The following TPST2 variants were observed in gnomAD, a reference collection of about 807,000 sequenced individuals.
TPST2 encodes the protein tyrosylprotein sulfotransferase 2.
A neutral mutation model predicts 27.8 loss-of-function variants in TPST2; 16 were observed. The ratio of observed to expected loss-of-function variants is 0.58; its 90% CI spans 0.39 to 0.88. The LOEUF is 0.88. TPST2 is among the 40% of genes least tolerant of loss of function. TPST2 has a pLI of 0.00. For missense variants in TPST2, 464 were observed against 543.1 expected (o/e 0.85, Z 1.45); for synonymous variants, 229 against 231.7 (o/e 0.99, Z 0.10).
At position 26,536,278 on chromosome 22, in the gene TPST2, G is replaced by A; in HGVS notation, c.1041+10C>T. Reference sequence around the variant, plus strand: ...AGAGTACACTTCCACAAGTACAGGTGCACACTCACCCGCTGTGTGTTGTTG... The same window carrying A: ...AGAGTACACTTCCACAAGTACAGGTACACACTCACCCGCTGTGTGTTGTTG... On this transcript the variant is annotated intron_variant, in intron 4 of 6. Coordinates refer to ENST00000338754, the MANE Select transcript of TPST2 (RefSeq NM_003595.5). 5 of 1,614,070 alleles carry A rather than the reference G, an allele frequency of 3.1e-6. No individual in the cohort carries two copies. Among genetic ancestry groups the A allele is most frequent in the Non-Finnish European group, 4.2e-6 (5 of 1,179,978 alleles).
intron 1 of TPST2, among the ~76,000 whole-genome samples, chr22:26,577,353 T>C (rs1030228781): frequency 2.0e-5 from 3 of 149,172 alleles, no homozygotes; most frequent in Admixed American, 2.0e-4. Context: ...TATTTGCTCT[T>C]TTTTTTTTTG....
At chr22:26,565,765 A>G (rs1483917069) in intron 1 of TPST2, 2 of 152,160 alleles carry the variant, frequency 1.3e-5, no homozygotes, top group Non-Finnish European at 2.9e-5. Flanking sequence ...TATATAAAAT[A>G]TTATCATCAA....
rs146456313 is a variant in TPST2, at chr22:26,586,961, T to C, written c.-161+3092A>G. On this transcript the variant is annotated intron_variant, in intron 1 of 6. Transcript: ENST00000338754. ...TCTGTGTGTGCAGAATGTTCACAGA[T>C]GAAGCGTCTGTAACTCAGGACTGCT... is the stretch of plus-strand genomic sequence containing the variant. Among the ~76,000 whole-genome samples, 289 of 152,288 alleles carry C rather than the reference T, an allele frequency of 1.9e-3. 3 individuals carry two copies. The highest frequency in any genetic ancestry group is 0.014 in the Middle Eastern group (4 of 294).
chr22:26,588,687 G>A (rs143992366), intron 1 of TPST2, among the ~76,000 whole-genome samples: 1 of 152,238 alleles, frequency 6.6e-6, no homozygotes, highest in African/African-American at 2.4e-5. Context: ...AGTTCCTTTA[G>A]GACAATGAAA....
chr22:26,548,006 T>C (rs1926216943), intron 1 of TPST2, among the ~76,000 whole-genome samples: 1 of 152,218 alleles, frequency 6.6e-6, no homozygotes, highest in South Asian at 2.1e-4. Flanking sequence ...AACATTCTGC[T>C]GCACCAGCTA....
chr22:26,528,240 G>T lies in TPST2; in HGVS notation c.1115C>A (p.Ser372Tyr). ...YFQVNQNSTS[S>Y]HLGSS The stretch of plus-strand genomic sequence containing the variant: ...TGGAAATCACGAGCTTCCTAAGTGG[G>T]AGGAGGTGCTGTTCTGGTTCACCTG... Residue 372 changes from serine (S) to tyrosine (Y), a missense_variant, in exon 6 of 7, where the codon TCC (serine) becomes TAC (tyrosine). Transcript: ENST00000338754. 6.4e-7 allele frequency: 1 copy of T among 1,564,778 alleles called. No homozygotes were observed. The highest frequency in any genetic ancestry group is 2.4e-5 in the East Asian group (1 of 42,528).
At chr22:26,530,218 C>A (rs1242351107) in intron 5 of TPST2, among the ~76,000 whole-genome samples, 1 of 152,188 alleles carries the variant, frequency 6.6e-6, no homozygotes, top group Admixed American at 6.6e-5. Flanking sequence ...GGACTGCAGG[C>A]ATGCCACTGC....
At chr22:26,571,517 GCT>G (rs1420851615) in intron 1 of TPST2, among the ~76,000 whole-genome samples, 4 of 152,150 alleles carry the variant, frequency 2.6e-5, no homozygotes, top group Admixed American at 2.6e-4. Context: ...AGCCTTGAAT[GCT>G]CTGTTTCCGG....
At chr22:26,538,591 G>A (rs1925615387) in intron 3 of TPST2, among the ~76,000 whole-genome samples, 1 of 152,262 alleles carries the variant, frequency 6.6e-6, no homozygotes, top group South Asian at 2.1e-4. Flanking sequence ...GGAGGCTGAG[G>A]CGGGCAGATC....
intron 1 of TPST2, among the ~76,000 whole-genome samples, chr22:26,569,949 CAA>C (rs71192942): frequency 0.019 from 801 of 41,242 alleles, 60 homozygotes; most frequent in African/African-American, 0.061. Context: ...AAGACTCTGT[CAA>C]AAAAAAAAAA....
chr22:26,589,186 T>C lies in TPST2; in HGVS notation c.-161+867A>G, dbSNP rs138270037. On this transcript the variant is annotated intron_variant, in intron 1 of 6. Coordinates refer to ENST00000338754, the MANE Select transcript of TPST2 (RefSeq NM_003595.5). ...GGCAGGTGACCTCTCCAAGCCTCAGTCTCCCCATCTGTAAAAGGGGAAGGG... is the reference window on the plus strand; with the variant it reads ...GGCAGGTGACCTCTCCAAGCCTCAGCCTCCCCATCTGTAAAAGGGGAAGGG... Among the ~76,000 whole-genome samples the C allele has an allele frequency of 2.7e-3, 409 of 152,148 alleles. 9 individuals are homozygous for C. Among genetic ancestry groups the C allele is most frequent in the Non-Finnish European group, 3.4e-3 (229 of 67,986 alleles).
intron 1 of TPST2, among the ~76,000 whole-genome samples, chr22:26,553,352 C>A (rs1004941251): frequency 6.7e-6 from 1 of 150,090 alleles, no homozygotes; most frequent in Admixed American, 6.7e-5. Flanking sequence ...AGCAGAGAGG[C>A]TTGTGCATGC....
Position 26,541,754 on chromosome 22 carries a change from TCTGTGAG to T in TPST2, c.-88-43_-88-37del, listed in dbSNP as rs1428447635. On this transcript the variant is annotated intron_variant, in intron 2 of 6. Transcript: ENST00000338754. The surrounding 1 kb of genome is among the most constrained non-coding windows in gnomAD (Gnocchi z 5.9). ...AGGGGGACATGCATAGTCAGGGAGGTCTGTGAGCTGTGAGCTCTCCAATAACTGCAAA... is the reference window on the plus strand; with the variant it reads ...AGGGGGACATGCATAGTCAGGGAGGTCTGTGAGCTCTCCAATAACTGCAAA... 10 of 1,435,118 alleles carry T rather than the reference TCTGTGAG, an allele frequency of 7.0e-6. No individual in the cohort carries two copies. Among genetic ancestry groups the T allele is most frequent in the Non-Finnish European group, 9.1e-6 (10 of 1,099,918 alleles). The allele number at this position is 1,435,118 out of a possible 1,614,324, so 88.9% of individuals were successfully genotyped here.
chr22:26,552,713 A>G (rs539398793), intron 1 of TPST2, among the ~76,000 whole-genome samples: 13 of 152,308 alleles, frequency 8.5e-5, no homozygotes, highest in African/African-American at 2.9e-4. Context: ...ACAGGCGGTC[A>G]GCTAGATTTG....
At chr22:26,554,033 T>TATTATTA in intron 1 of TPST2, among the ~76,000 whole-genome samples, 1 of 152,196 alleles carries the variant, frequency 6.6e-6, no homozygotes, top group East Asian at 1.9e-4. Context: ...CATGACAGGC[T>TATTATTA]TGGAGGGTAG....
At chr22:26,584,076 T>C (rs1388382268) in intron 1 of TPST2, among the ~76,000 whole-genome samples, 1 of 152,236 alleles carries the variant, frequency 6.6e-6, no homozygotes, top group Non-Finnish European at 1.5e-5. Context: ...TCTCTAGAAA[T>C]GTTTGAATGT....
intron 1 of TPST2, among the ~76,000 whole-genome samples, chr22:26,573,726 C>T (rs573352831): frequency 6.6e-6 from 1 of 152,228 alleles, no homozygotes; most frequent in Non-Finnish European, 1.5e-5. Flanking sequence ...ATGAGGCCTT[C>T]GTCCTGGTAA....
Position 26,541,252 on chromosome 22 carries a change from C to T in TPST2, c.379G>A (p.Gly127Arg). 6.5e-7 allele frequency: 1 copy of T among 1,541,966 alleles called. No individual in the cohort carries two copies. Among genetic ancestry groups the T allele is most frequent in the Non-Finnish European group, 8.8e-7 (1 of 1,142,626 alleles). The change falls in exon 3 of 7, where the codon GGG (glycine) becomes AGG (arginine). Residue 127 changes from glycine to arginine, a missense_variant. Transcript: ENST00000338754. The surrounding 1 kb of genome is among the most constrained non-coding windows in gnomAD (Gnocchi z 5.9). The stretch of plus-strand genomic sequence containing the variant: ...GCGTCCAGCACCTCATCCGTCACCC[C>T]CGCCTCATCCAGCCGCAGCTTCTCA... ...GREKLRLDEA[G>R]VTDEVLDAAM...
intron 1 of TPST2, among the ~76,000 whole-genome samples, chr22:26,578,818 G>A (rs1602304074): frequency 6.6e-6 from 1 of 151,206 alleles, no homozygotes; most frequent in East Asian, 1.9e-4. Flanking sequence ...TTCCCCATCT[G>A]TGAAAAGAAA....
Sources: allele counts gnomAD v4.1 joint callset (sites outside exome capture counted in the v4.1 genomes callset), GRCh38; gene constraint gnomAD v4.1.1; non-coding constraint Gnocchi (gnomAD v3.1); transcripts MANE v1.5; gene names NCBI Gene and HGNC (gene_info 2026-07-23, HGNC 2026-07-21).